Variants in PTGER1 observed in about 807,000 individuals in gnomAD.
PTGER1 encodes the protein prostaglandin E receptor 1.
In PTGER1, 15 loss-of-function variants were observed where a neutral mutation model predicts 18.5. The observed-to-expected ratio is 0.81, with a 90% confidence interval of 0.54 to 1.25. The LOEUF (loss-of-function observed/expected upper bound fraction) is 1.25, where lower values mean the gene tolerates loss of function less well. Among genes scored for constraint, PTGER1 ranks in the 50% most tolerant of loss-of-function variants. The probability of loss-of-function intolerance (pLI) is 0.00; values close to 1 mark genes in which losing one functional copy is unlikely to be tolerated. For synonymous variants in PTGER1, 339 were observed against 308.4 expected (o/e 1.10, Z -1.04); for missense variants, 567 against 603.4 (o/e 0.94, Z 0.63).
rs866002773 is a variant in PTGER1, at chr19:14,473,987, A to G, written c.334T>C (p.Phe112Leu). ...GRAPAGGACH[F>L]LGGCMVFFGL... ...AAGAAGACCATGCAGCCGCCCAGGA[A>G]GTGGCAGGCCCCGCCGGCCGGAGCG... Residue 112 changes from phenylalanine (F) to leucine (L), a missense_variant, in exon 2 of 3, where the codon TTC (phenylalanine) becomes CTC (leucine). Coordinates refer to ENST00000292513, the MANE Select transcript of PTGER1 (RefSeq NM_000955.3). The surrounding 1 kb of genome is among the most constrained non-coding windows in gnomAD (Gnocchi z 7.1). The G allele has an allele frequency of 4.0e-5, 60 of 1,499,168 alleles. No individual in the cohort carries two copies. The highest frequency in any genetic ancestry group is 4.1e-4 in the Middle Eastern group (2 of 4,888). 92.9% of individuals were successfully genotyped at this position (1,499,168 alleles called of 1,614,324 possible).
In PTGER1 at chr19:14,472,712, G is replaced by A. The variant is rs1227082992; in HGVS notation, c.1057C>T (p.Leu353=). 1.9e-6 allele frequency: 3 copies of A among 1,611,724 alleles called. No homozygotes were observed. Among genetic ancestry groups the A allele is most frequent in the South Asian group, 2.2e-5 (2 of 90,838 alleles). ...NQILDPWVYI[L]LRQAVLRQLL... Reference sequence around the variant, plus strand: ...TGGCGCAGCACGGCCTGGCGCAGTAGGATGTACACCCAAGGGTCCAGGATC... The same window carrying A: ...TGGCGCAGCACGGCCTGGCGCAGTAAGATGTACACCCAAGGGTCCAGGATC... The change falls in exon 3 of 3, where the codon CTA becomes TTA. Residue 353 remains leucine (L), a synonymous_variant. Coordinates refer to ENST00000292513, the MANE Select transcript of PTGER1 (RefSeq NM_000955.3).
Position 14,473,761 on chromosome 19 carries a change from C to G in PTGER1, c.560G>C (p.Trp187Ser). 1 of 1,458,422 alleles carries G rather than the reference C, an allele frequency of 6.9e-7. No homozygotes were observed. The highest frequency in any genetic ancestry group is 9.0e-7 in the Non-Finnish European group (1 of 1,110,270). The allele number at this position is 1,458,422 out of a possible 1,614,324, so 90.3% of individuals were successfully genotyped here. Residue 187 changes from tryptophan (W) to serine (S), a missense_variant, in exon 2 of 3, where the codon TGG becomes TCG. Physicochemically the swap from Trp to Ser is radical, Grantham distance 177. Transcript: ENST00000292513. This position sits in a 1 kb window ranked among gnomAD's most constrained non-coding sequence, Gnocchi z 7.1. ...GRYELQYPGT[W>S]CFIGLGPPGG... ...CGGGGGACCCAGGCCGATGAAGCACCACGTGCCCGGGTACTGCAGCTCATA... is the reference window on the plus strand; with the variant it reads ...CGGGGGACCCAGGCCGATGAAGCACGACGTGCCCGGGTACTGCAGCTCATA...
rs534143296 is a variant in PTGER1 at position 14,474,468 on chromosome 19, G to C, written c.-17-131C>G. The stretch of plus-strand genomic sequence containing the variant: ...TCAGGCGGCCCCTCTGCCCATGGCA[G>C]TTGCCATGGGCAACTCCAAATGACC... On this transcript the variant is annotated intron_variant, in intron 1 of 2. Transcript: ENST00000292513. This position sits in a 1 kb window ranked among gnomAD's most constrained non-coding sequence, Gnocchi z 5.4. The C allele has an allele frequency of 9.1e-5, 92 of 1,016,130 alleles. No individual in the cohort carries two copies. The highest frequency in any genetic ancestry group is 1.1e-4 in the Non-Finnish European group (84 of 750,042). 62.9% of individuals were successfully genotyped at this position (1,016,130 alleles called of 1,614,324 possible).
rs10421765 is a variant in PTGER1, at chr19:14,473,261, C to T, written c.942+118G>A. ...TCGGGGCAGGTGGGGCCTCTAGGGG[C>T]CGGGGCCTTGGTTGAGTCCAGGATG... On this transcript the variant is annotated intron_variant, in intron 2 of 2. Coordinates refer to ENST00000292513, the MANE Select transcript of PTGER1 (RefSeq NM_000955.3). The surrounding 1 kb of genome is among the most constrained non-coding windows in gnomAD (Gnocchi z 7.1). The T allele has an allele frequency of 0.02, 29,980 of 1,470,470 alleles. 4,765 individuals are homozygous for T. In the African/African-American group the frequency reaches 0.36, roughly 18 times the overall value. 91.1% of individuals were successfully genotyped at this position (1,470,470 alleles called of 1,614,324 possible). A position where few individuals can be genotyped will look rare whatever the true frequency, so the allele number is the denominator to read the frequency against.
rs2071589786 is a variant in PTGER1 at position 14,473,828 on chromosome 19, C to T, written c.493G>A (p.Ala165Thr). 8.0e-7 allele frequency: 1 copy of T among 1,257,274 alleles called. No individual in the cohort carries two copies. The allele number at this position is 1,257,274 out of a possible 1,614,324, so 77.9% of individuals were successfully genotyped here. ...RLALAAVAAV[A>T]LAVALLPLAR... is the part of the protein sequence containing the mutation. ...AGCGGCAGCAGCGCCACGGCCAAGG[C>T]CACCGCGGCCACCGCGGCCAGCGCC... is the stretch of plus-strand genomic sequence containing the variant. The change falls in exon 2 of 3, where the codon GCC (alanine) becomes ACC (threonine). Residue 165 changes from alanine to threonine, a missense_variant. Ala to Thr is a moderately conservative substitution (Grantham distance 58). Transcript: ENST00000292513. The surrounding 1 kb of genome is among the most constrained non-coding windows in gnomAD (Gnocchi z 7.1).
intron 2 of PTGER1, 43 bp from the exon 3 acceptor site, chr19:14,472,869 C>A: frequency 6.6e-7 from 1 of 1,504,442 alleles, no homozygotes; most frequent in South Asian, 1.2e-5. Context: ...GGCGCGGGCG[C>A]AGGGGGGCGC....
Position 14,473,245 on chromosome 19 carries a change from G to A in PTGER1, c.942+134C>T, listed in dbSNP as rs1218179267. On this transcript the variant is annotated intron_variant, in intron 2 of 2. Transcript: ENST00000292513. This position sits in a 1 kb window ranked among gnomAD's most constrained non-coding sequence, Gnocchi z 7.1. Reference sequence around the variant, plus strand: ...AAGGCGATGCTGGCTTTCGGGGCAGGTGGGGCCTCTAGGGGCCGGGGCCTT... The same window carrying A: ...AAGGCGATGCTGGCTTTCGGGGCAGATGGGGCCTCTAGGGGCCGGGGCCTT... 2.8e-6 allele frequency: 4 copies of A among 1,437,688 alleles called. No individual in the cohort carries two copies. In the Admixed American group the frequency reaches 1.0e-4, roughly 36 times the overall value. The allele number at this position is 1,437,688 out of a possible 1,614,324, so 89.1% of individuals were successfully genotyped here.
Position 14,474,031 on chromosome 19 carries a change from C to A in PTGER1, c.290G>T (p.Arg97Leu), listed in dbSNP as rs1248437515. Residue 97 changes from arginine (R) to leucine (L), a missense_variant, in exon 2 of 3, where the codon CGT becomes CTT. Coordinates refer to ENST00000292513, the MANE Select transcript of PTGER1 (RefSeq NM_000955.3). The surrounding 1 kb of genome is among the most constrained non-coding windows in gnomAD (Gnocchi z 5.4). ...CGGAGCGCGCCCCGCAGTGTACAGACGCAGCACCAGCGCGCCCGGGATCAC... is the reference window on the plus strand; with the variant it reads ...CGGAGCGCGCCCCGCAGTGTACAGAAGCAGCACCAGCGCGCCCGGGATCAC... ...GHVIPGALVL[R>L]LYTAGRAPAG... 6.7e-7 allele frequency: 1 copy of A among 1,499,126 alleles called. No individual in the cohort carries two copies. The highest frequency in any genetic ancestry group is 8.9e-7 in the Non-Finnish European group (1 of 1,129,382). The allele number at this position is 1,499,126 out of a possible 1,614,324, so 92.9% of individuals were successfully genotyped here. A position where few individuals can be genotyped will look rare whatever the true frequency, so the allele number is the denominator to read the frequency against.
rs778810866 is a variant in PTGER1 at position 14,472,713 on chromosome 19, G to A, written c.1056C>T (p.Ile352=). ...WNQILDPWVY[I]LLRQAVLRQL... is the part of the protein sequence containing the mutation. ...GGCGCAGCACGGCCTGGCGCAGTAG[G>A]ATGTACACCCAAGGGTCCAGGATCT... Residue 352 remains isoleucine, a synonymous_variant, in exon 3 of 3, where the codon ATC becomes ATT. Coordinates refer to ENST00000292513, the MANE Select transcript of PTGER1 (RefSeq NM_000955.3). 3 of 1,611,634 alleles carry A rather than the reference G, an allele frequency of 1.9e-6. No individual in the cohort carries two copies. The highest frequency in any genetic ancestry group is 1.7e-5 in the Admixed American group (1 of 59,692).
chr19:14,473,580 G>T lies in PTGER1; in HGVS notation c.741C>A (p.Pro247=), dbSNP rs200671276. 1.4e-4 allele frequency: 213 copies of T among 1,493,472 alleles called. 1 individual carries two copies. The highest frequency in any genetic ancestry group is 6.5e-4 in the South Asian group (51 of 78,298). 92.5% of individuals were successfully genotyped at this position (1,493,472 alleles called of 1,614,324 possible). ...RSRRPPPASG[P]DSRRRWGAHG... is the part of the protein sequence containing the mutation. ...GCGCCCCCCAGCGACGCCGGCTGTC[G>T]GGGCCTGAGGCCGGGGGAGGCCGTC... Residue 247 remains proline (P), a synonymous_variant, in exon 2 of 3, where the codon CCC becomes CCA. Transcript: ENST00000292513. This position sits in a 1 kb window ranked among gnomAD's most constrained non-coding sequence, Gnocchi z 7.1.
chr19:14,472,659 G>C lies in PTGER1; in HGVS notation c.1110C>G (p.Ala370=). The part of the protein sequence containing the change: ...RQLLRLLPPR[A]GAKGGPAGLG... ...GCCCCGCGGGGCCGCCCTTGGCTCC[G>C]GCCCTCGGGGGCAAGAGGCGAAGCA... The change falls in exon 3 of 3, where the codon GCC becomes GCG. Residue 370 remains alanine, a synonymous_variant. Transcript: ENST00000292513. 6.2e-7 allele frequency: 1 copy of C among 1,609,590 alleles called. No individual in the cohort carries two copies. Among genetic ancestry groups the C allele is most frequent in the Non-Finnish European group, 8.5e-7 (1 of 1,178,458 alleles).
At position 14,472,756 on chromosome 19, in the gene PTGER1, C is replaced by T. The variant is rs765342823; in HGVS notation, c.1013G>A (p.Arg338His). The T allele has an allele frequency of 6.3e-7, 1 of 1,597,560 alleles. No individual in the cohort carries two copies. Among genetic ancestry groups the T allele is most frequent in the South Asian group, 1.1e-5 (1 of 88,970 alleles). ...CAGGATCTGGTTCCAGGAGGCAAGGCGCACGGCCAGGAACAGTGGCCGCTG... is the reference window on the plus strand; with the variant it reads ...CAGGATCTGGTTCCAGGAGGCAAGGTGCACGGCCAGGAACAGTGGCCGCTG... ...SLQRPLFLAV[R>H]LASWNQILDP... is the part of the protein sequence containing the mutation. The change falls in exon 3 of 3, where the codon CGC (arginine) becomes CAC (histidine). Residue 338 changes from arginine to histidine, a missense_variant. Coordinates refer to ENST00000292513, the MANE Select transcript of PTGER1 (RefSeq NM_000955.3).
rs1380647607 is a variant in PTGER1, at chr19:14,474,500, C to T, written c.-17-163G>A. ...TGGGCAACTCCAAATGACCTGGCCACTCCATTTGGAAACCCTTCTCCCTCT... is the reference window on the plus strand; with the variant it reads ...TGGGCAACTCCAAATGACCTGGCCATTCCATTTGGAAACCCTTCTCCCTCT... On this transcript the variant is annotated intron_variant, in intron 1 of 2. Transcript: ENST00000292513. This position sits in a 1 kb window ranked among gnomAD's most constrained non-coding sequence, Gnocchi z 5.4. Among the ~76,000 whole-genome samples, 1 of 152,108 alleles carries T rather than the reference C, an allele frequency of 6.6e-6. No homozygotes were observed. Among genetic ancestry groups the T allele is most frequent in the East Asian group, 1.9e-4 (1 of 5,182 alleles).
chr19:14,472,621 G>C lies in PTGER1; in HGVS notation c.1148C>G (p.Pro383Arg). 6.2e-7 allele frequency: 1 copy of C among 1,602,500 alleles called. No homozygotes were observed. Among genetic ancestry groups the C allele is most frequent in the Non-Finnish European group, 8.5e-7 (1 of 1,175,860 alleles). ...CAGCGAGCTGGCCTCCCAGGCGCTC[G>C]GTGTTAGGCCCAGCCCCGCGGGGCC... ...KGGPAGLGLT[P>R]SAWEASSLRS... is the part of the protein sequence containing the mutation. The change falls in exon 3 of 3, where the codon CCG becomes CGG. Residue 383 changes from proline to arginine, a missense_variant. By Grantham distance (103) the Pro-to-Arg change is moderately radical. Transcript: ENST00000292513.
At position 14,472,523 on chromosome 19, in the gene PTGER1, G is replaced by C. The variant is rs1419273563; in HGVS notation, c.*37C>G. On this transcript the variant is annotated 3_prime_UTR_variant, in exon 3 of 3. Coordinates refer to ENST00000292513, the MANE Select transcript of PTGER1 (RefSeq NM_000955.3). ...GCGCCGCGCACCTGGGCCCAGCCCA[G>C]GGTGGGCTGGCTTAGTCGTTGGGCC... is the stretch of plus-strand genomic sequence containing the variant. 3 of 1,511,050 alleles carry C rather than the reference G, an allele frequency of 2.0e-6. No individual in the cohort carries two copies. Among genetic ancestry groups the C allele is most frequent in the African/African-American group, 1.4e-5 (1 of 71,686 alleles). 93.6% of individuals were successfully genotyped at this position (1,511,050 alleles called of 1,614,324 possible).
At position 14,472,767 on chromosome 19, in the gene PTGER1, G is replaced by A. The variant is rs1417215080; in HGVS notation, c.1002C>T (p.Phe334=). The A allele has an allele frequency of 6.3e-7, 1 of 1,589,196 alleles. No homozygotes were observed. The highest frequency in any genetic ancestry group is 1.3e-5 in the African/African-American group (1 of 74,348). Residue 334 remains phenylalanine, a synonymous_variant, in exon 3 of 3, where the codon TTC becomes TTT. Coordinates refer to ENST00000292513, the MANE Select transcript of PTGER1 (RefSeq NM_000955.3). ...WSSTSLQRPL[F]LAVRLASWNQ... ...TCCAGGAGGCAAGGCGCACGGCCAG[G>A]AACAGTGGCCGCTGCAGGGAGGTAG...
chr19:14,473,769 C>A lies in PTGER1; in HGVS notation c.552G>T (p.Pro184=). 6.9e-7 allele frequency: 1 copy of A among 1,456,980 alleles called. No individual in the cohort carries two copies. Among genetic ancestry groups the A allele is most frequent in the Non-Finnish European group, 9.0e-7 (1 of 1,109,388 alleles). The allele number at this position is 1,456,980 out of a possible 1,614,324, so 90.3% of individuals were successfully genotyped here. A position where few individuals can be genotyped will look rare whatever the true frequency, so the allele number is the denominator to read the frequency against. The part of the protein sequence containing the change: ...ARVGRYELQY[P]GTWCFIGLGP... ...CCAGGCCGATGAAGCACCACGTGCC[C>A]GGGTACTGCAGCTCATAGCGGCCCA... The change falls in exon 2 of 3, where the codon CCG becomes CCT. Residue 184 remains proline (P), a synonymous_variant. Transcript: ENST00000292513. This position sits in a 1 kb window ranked among gnomAD's most constrained non-coding sequence, Gnocchi z 7.1.
Position 14,473,573 on chromosome 19 carries a change from G to C in PTGER1, c.748C>G (p.Arg250Gly), listed in dbSNP as rs773924682. Residue 250 changes from arginine to glycine, a missense_variant, in exon 2 of 3, where the codon CGG becomes GGG. Coordinates refer to ENST00000292513, the MANE Select transcript of PTGER1 (RefSeq NM_000955.3). This position sits in a 1 kb window ranked among gnomAD's most constrained non-coding sequence, Gnocchi z 7.1. The stretch of plus-strand genomic sequence containing the variant: ...GGTCCGTGCGCCCCCCAGCGACGCC[G>C]GCTGTCGGGGCCTGAGGCCGGGGGA... ...RPPPASGPDSRRRWGAHGPRS... is the reference protein window; with the variant it reads ...RPPPASGPDSGRRWGAHGPRS... 2 of 1,502,500 alleles carry C rather than the reference G, an allele frequency of 1.3e-6. No individual in the cohort carries two copies. The highest frequency in any genetic ancestry group is 1.8e-6 in the Non-Finnish European group (2 of 1,132,968). 93.1% of individuals were successfully genotyped at this position (1,502,500 alleles called of 1,614,324 possible).
At position 14,473,880 on chromosome 19, in the gene PTGER1, C is replaced by A; in HGVS notation, c.441G>T (p.Ala147=). The A allele has an allele frequency of 7.8e-7, 1 of 1,275,816 alleles. No homozygotes were observed. Among genetic ancestry groups the A allele is most frequent in the Non-Finnish European group, 9.9e-7 (1 of 1,015,100 alleles). 79.0% of individuals were successfully genotyped at this position (1,275,816 alleles called of 1,614,324 possible). The change falls in exon 2 of 3, where the codon GCG becomes GCT. Residue 147 remains alanine (A), a synonymous_variant. Transcript: ENST00000292513. This position sits in a 1 kb window ranked among gnomAD's most constrained non-coding sequence, Gnocchi z 7.1. The stretch of plus-strand genomic sequence containing the variant: ...GGCGCGCGCGGGCGACCGAGACCCG[C>A]GCGGCGTGGAGCAGCGGCCGCGTGA... ...VGVTRPLLHA[A]RVSVARARLA...
Sources: allele counts gnomAD v4.1 joint callset (sites outside exome capture counted in the v4.1 genomes callset), GRCh38; gene constraint gnomAD v4.1.1; non-coding constraint Gnocchi (gnomAD v3.1); transcripts MANE v1.5; gene names NCBI Gene and HGNC (gene_info 2026-07-23, HGNC 2026-07-21).